The following UACA variants were observed in gnomAD, a reference collection of about 807,000 sequenced individuals.
The protein encoded by UACA is nuclear membrane binding protein.
In UACA, 112 loss-of-function variants were observed where a neutral mutation model predicts 160.5. The observed-to-expected ratio is 0.70, with a 90% CI of 0.60 to 0.82. UACA has a LOEUF of 0.82. UACA is among the 40% of genes least tolerant of loss of function. The pLI is 0.00. For missense variants in UACA, 1,574 were observed against 1,614.6 expected, an observed-to-expected ratio of 0.97 and a Z score of 0.43; for synonymous variants, 557 against 568.4, an observed-to-expected ratio of 0.98 and a Z score of 0.29.
chr15:70,686,018 G>A (rs756665680), intron 7 of UACA, among the ~76,000 whole-genome samples: 17 of 151,850 alleles, frequency 1.1e-4, no homozygotes, highest in Non-Finnish European at 1.5e-4. Context: ...CAAGTGATCC[G>A]CGCCCAGCCG....
intron 1 of UACA, among the ~76,000 whole-genome samples, chr15:70,724,139 C>T (rs796441825): frequency 2.6e-4 from 39 of 152,336 alleles, no homozygotes; most frequent in African/African-American, 9.1e-4. Flanking sequence ...GAGCTTAGCA[C>T]TCTATTTGTC....
At chr15:70,741,390 C>T (rs1899530218) in intron 1 of UACA, among the ~76,000 whole-genome samples, 1 of 152,118 alleles carries the variant, frequency 6.6e-6, no homozygotes, top group Non-Finnish European at 1.5e-5. Flanking sequence ...GTGCTGATTC[C>T]CTGTTTGATA....
chr15:70,761,743 T>C (rs914508499), intron 1 of UACA, among the ~76,000 whole-genome samples: 5 of 150,504 alleles, frequency 3.3e-5, no homozygotes, highest in African/African-American at 1.0e-4. Context: ...CTCAATTGAG[T>C]GCTAAAGATT....
At chr15:70,772,418 A>C in the UACA span, among the ~76,000 whole-genome samples, 1 of 147,894 alleles carries the variant, frequency 6.8e-6, no homozygotes, top group Non-Finnish European at 1.5e-5. Context: ...GCATGAACCC[A>C]GGAGGCGGGG....
intron 10 of UACA, 37 bp downstream of exon 10, chr15:70,679,571 T>C: frequency 1.4e-6 from 2 of 1,430,512 alleles, no homozygotes; most frequent in East Asian, 2.4e-5. Context: ...ACTGGAATTG[T>C]TTTTAAAGGA....
chr15:70,667,052 G>A lies in UACA; in HGVS notation c.3632C>T (p.Thr1211Ile). The change falls in exon 16 of 19, where the codon ACT (threonine) becomes ATT (isoleucine). Residue 1211 changes from threonine (T) to isoleucine (I), a missense_variant. By Grantham distance (89) the Thr-to-Ile change is moderately conservative. Transcript: ENST00000322954. ...CTCTAATTTTTTTAATGCTTGTTTA[G>A]TATTCTGAACCTCCGACTGAAGTTT... is the stretch of plus-strand genomic sequence containing the variant. ...VSKLQSEVQN[T>I]KQALKKLETR... The A allele has an allele frequency of 2.5e-6, 4 of 1,613,362 alleles. No homozygotes were observed. The highest frequency in any genetic ancestry group is 3.4e-6 in the Non-Finnish European group (4 of 1,179,874).
At chr15:70,763,153 G>A (rs2030876506) in intron 1 of UACA, among the ~76,000 whole-genome samples, 177 bp downstream of exon 1, 1 of 152,148 alleles carries the variant, frequency 6.6e-6, no homozygotes, top group Non-Finnish European at 1.5e-5. Flanking sequence ...GCGGCGGGGA[G>A]GATCCCCGGG....
At chr15:70,699,187 A>G (rs1046489099) in intron 2 of UACA, among the ~76,000 whole-genome samples, 4 of 152,186 alleles carry the variant, frequency 2.6e-5, no homozygotes, top group Non-Finnish European at 5.9e-5. Context: ...TAACCTCTGC[A>G]AACTTTTTCC....
chr15:70,762,913 G>C (rs1273781440), intron 1 of UACA, among the ~76,000 whole-genome samples: 1 of 152,196 alleles, frequency 6.6e-6, no homozygotes, highest in Non-Finnish European at 1.5e-5. Context: ...GCGAGCCCCG[G>C]CCCCGGGGAC....
chr15:70,674,212 A>C (rs932622150), intron 13 of UACA, among the ~76,000 whole-genome samples: 5 of 152,116 alleles, frequency 3.3e-5, no homozygotes, highest in Non-Finnish European at 5.9e-5. Context: ...GGTCACATAT[A>C]AAGTGGGACC....
At chr15:70,675,318 G>A (rs200950565) in intron 13 of UACA, among the ~76,000 whole-genome samples, 1 of 152,180 alleles carries the variant, frequency 6.6e-6, no homozygotes, top group Non-Finnish European at 1.5e-5. Context: ...GAAGAAGATA[G>A]AAGCCACTAC....
intron 1 of UACA, among the ~76,000 whole-genome samples, chr15:70,743,476 C>T (rs550732083): frequency 7.2e-5 from 11 of 152,208 alleles, no homozygotes; most frequent in Admixed American, 4.6e-4. Flanking sequence ...TTTTTCACTG[C>T]GCGTTGCAGT....
At position 70,664,643 on chromosome 15, in the gene UACA, C is replaced by T. The variant is rs956155066; in HGVS notation, c.4113+19G>A. On this transcript the variant is annotated intron_variant, in intron 17 of 18. Coordinates refer to ENST00000322954, the MANE Select transcript of UACA (RefSeq NM_018003.4). ...GCCAGCACATATTCCTGCAAAGCCC[C>T]GTGTGCCTGGTTACTCACGGCCAGC... 1.4e-5 allele frequency: 23 copies of T among 1,600,384 alleles called. No homozygotes were observed. Among genetic ancestry groups the T allele is most frequent in the South Asian group, 3.4e-5 (3 of 89,066 alleles).
intron 1 of UACA, among the ~76,000 whole-genome samples, chr15:70,740,765 G>T (rs1156688649): frequency 6.6e-6 from 1 of 152,100 alleles, no homozygotes; most frequent in Non-Finnish European, 1.5e-5. Context: ...GGGCTGGCCG[G>T]GCGCGGTGGC....
At chr15:70,689,463 C>T (rs866415151) in intron 5 of UACA, among the ~76,000 whole-genome samples, 27 of 151,778 alleles carry the variant, frequency 1.8e-4, no homozygotes, top group African/African-American at 5.6e-4. Context: ...TGGAAAAATG[C>T]TTTGCAAATA....
rs1388399048 is a variant in UACA at position 70,699,617 on chromosome 15, G to A, written c.122C>T (p.Ala41Val). The A allele has an allele frequency of 1.2e-6, 2 of 1,609,734 alleles. No individual in the cohort carries two copies. The highest frequency in any genetic ancestry group is 2.7e-5 in the African/African-American group (2 of 73,560). Reference sequence around the variant, plus strand: ...TTTTTCTACATCCCCCCTTTCTGCTGCTTTCATCAATCGGTCATCATATTT... The same window carrying A: ...TTTTTCTACATCCCCCCTTTCTGCTACTTTCATCAATCGGTCATCATATTT... The part of the protein sequence containing the change: ...WNKYDDRLMK[A>V]AERGDVEKVT... The change falls in exon 2 of 19, where the codon GCA becomes GTA. Residue 41 changes from alanine (A) to valine (V), a missense_variant. Physicochemically the swap from Ala to Val is moderately conservative, Grantham distance 64. Transcript: ENST00000322954.
the UACA span, among the ~76,000 whole-genome samples, chr15:70,772,492 CAAAA>C: frequency 0.23 from 11,144 of 48,262 alleles, 316 homozygotes; most frequent in African/African-American, 0.26. Flanking sequence ...GCCTCCATCT[CAAAA>C]AAAAAAAAAA....
At chr15:70,727,372 A>C (rs939813556) in intron 1 of UACA, among the ~76,000 whole-genome samples, 2 of 152,194 alleles carry the variant, frequency 1.3e-5, no homozygotes, top group Non-Finnish European at 2.9e-5. Context: ...TCATTTTATT[A>C]AATTAAAAAT....
intron 1 of UACA, among the ~76,000 whole-genome samples, chr15:70,706,326 A>T (rs1898522000): frequency 6.6e-6 from 1 of 152,104 alleles, no homozygotes; most frequent in Non-Finnish European, 1.5e-5. Flanking sequence ...CATTATACTC[A>T]ACTATGGAAA....
Sources: allele counts gnomAD v4.1 joint callset (sites outside exome capture counted in the v4.1 genomes callset), GRCh38; gene constraint gnomAD v4.1.1; transcripts MANE v1.5; gene names NCBI Gene and HGNC (gene_info 2026-07-23, HGNC 2026-07-21).